C14orf39: variants seen among roughly 807,000 people sequenced by gnomAD.
C14orf39 encodes protein SIX6OS1.
A neutral mutation model predicts 85.6 loss-of-function variants in C14orf39; 66 were observed. The observed-to-expected ratio is 0.77, with a 90% confidence interval of 0.63 to 0.95. The LOEUF (loss-of-function observed/expected upper bound fraction) is 0.95. Ranked by LOEUF, C14orf39 falls within the 40% of genes least tolerant of loss-of-function variation. C14orf39 has a pLI of 0.00. For missense variants in C14orf39, 735 were observed against 663.9 expected (o/e 1.11, Z -1.18); for synonymous variants, 242 against 214.0 (o/e 1.13, Z -1.14).
chr14:60,478,599 A>G (rs537526160), intron 4 of C14orf39, among the ~76,000 whole-genome samples: 1 of 152,244 alleles, frequency 6.6e-6, no homozygotes, highest in South Asian at 2.1e-4. Context: ...ATATTCATGA[A>G]TTTTTATATT....
chr14:60,441,478 T>C (rs1418906929), intron 17 of C14orf39, among the ~76,000 whole-genome samples: 2 of 152,176 alleles, frequency 1.3e-5, no homozygotes, highest in Non-Finnish European at 2.9e-5. Context: ...AATCATAATA[T>C]GTGAGTCTGA....
chr14:60,467,811 A>G (rs1891868943), intron 9 of C14orf39, among the ~76,000 whole-genome samples: 1 of 151,716 alleles, frequency 6.6e-6, no homozygotes, highest in Admixed American at 6.6e-5. Flanking sequence ...AGGGCCATGG[A>G]ACTTGAGGAA....
In C14orf39 at chr14:60,457,050, C is replaced by G; in HGVS notation, c.1225G>C (p.Asp409His). ...HFGKSVENDS[D>H]EVEERAENFP... ...TTCTCAGCTCTCTCTTCTACTTCAT[C>G]ACTATCATTTTCTACTGACTTCCCA... Residue 409 changes from aspartate (D) to histidine (H), a missense_variant, in exon 15 of 18, where the codon GAT becomes CAT. Transcript: ENST00000321731. The G allele has an allele frequency of 6.2e-7, 1 of 1,606,694 alleles. No individual in the cohort carries two copies. The highest frequency in any genetic ancestry group is 8.5e-7 in the Non-Finnish European group (1 of 1,176,738).
rs746591181 is a variant in C14orf39 at position 60,478,403 on chromosome 14, T to C, written c.234-14A>G. On this transcript the variant is annotated splice_polypyrimidine_tract_variant and intron_variant, in intron 4 of 17. Transcript: ENST00000321731. ...GTTGGCTTCCAGCTATAGAAAAAAATATATTTGTAATTAGCAACTCAGAAT... is the reference window on the plus strand; with the variant it reads ...GTTGGCTTCCAGCTATAGAAAAAAACATATTTGTAATTAGCAACTCAGAAT... 4.1e-6 allele frequency: 6 copies of C among 1,466,016 alleles called. No individual in the cohort carries two copies. The highest frequency in any genetic ancestry group is 5.6e-6 in the Non-Finnish European group (6 of 1,077,602). 90.8% of individuals were successfully genotyped at this position (1,466,016 alleles called of 1,614,324 possible).
At chr14:60,437,437 A>G (rs577374567) in intron 17 of C14orf39, among the ~76,000 whole-genome samples, 1 of 152,180 alleles carries the variant, frequency 6.6e-6, no homozygotes, top group African/African-American at 2.4e-5. Context: ...AGATGTATTA[A>G]GTGGAAATTA....
rs1195795576 is a variant in C14orf39 at position 60,469,235 on chromosome 14, G to A, written c.675+298C>T. On this transcript the variant is annotated intron_variant, in intron 8 of 17. Transcript: ENST00000321731. ...ATGTTGCATCTTATTCCTTCCTCAT[G>A]TTCTCTCCTCAGACCTCAAAGAAAG... Among the ~76,000 whole-genome samples the A allele has an allele frequency of 2.0e-5, 3 of 149,712 alleles. No individual in the cohort carries two copies. The East Asian group carries it at 5.9e-4, about 29-fold the overall frequency.
At chr14:60,460,974 A>T (rs1285847292) in intron 13 of C14orf39, among the ~76,000 whole-genome samples, 1 of 151,972 alleles carries the variant, frequency 6.6e-6, no homozygotes. Flanking sequence ...GTCATTACAA[A>T]TAAAACCTAT....
At chr14:60,473,508 G>A (rs1233674789) in intron 5 of C14orf39, among the ~76,000 whole-genome samples, 4 of 152,114 alleles carry the variant, frequency 2.6e-5, no homozygotes, top group Non-Finnish European at 5.9e-5. Flanking sequence ...TATTGCCTAG[G>A]TTTTCTCCTA....
chr14:60,449,882 A>G (rs536243821), intron 16 of C14orf39, among the ~76,000 whole-genome samples: 1 of 152,294 alleles, frequency 6.6e-6, no homozygotes, highest in East Asian at 1.9e-4. Flanking sequence ...AACATCCCAT[A>G]ATTTTTGATA....
intron 16 of C14orf39, among the ~76,000 whole-genome samples, chr14:60,445,599 C>A (rs1011286989): frequency 4.6e-5 from 7 of 152,110 alleles, no homozygotes; most frequent in African/African-American, 1.4e-4. Context: ...GACTTAGACT[C>A]CCACATAATA....
intron 14 of C14orf39, among the ~76,000 whole-genome samples, chr14:60,457,966 T>C (rs1277726192): frequency 6.6e-6 from 1 of 152,026 alleles, no homozygotes; most frequent in Non-Finnish European, 1.5e-5. Flanking sequence ...TAACTTTTTG[T>C]ATATGTTTTT....
intron 8 of C14orf39, among the ~76,000 whole-genome samples, chr14:60,469,213 T>C (rs1254425042): frequency 6.6e-6 from 1 of 150,592 alleles, no homozygotes; most frequent in Non-Finnish European, 1.5e-5. Context: ...TGTTACTATG[T>C]TGCATCTTAT....
chr14:60,499,936 A>G (rs1320561223), intron 1 of C14orf39, among the ~76,000 whole-genome samples: 4 of 152,240 alleles, frequency 2.6e-5, no homozygotes, highest in Non-Finnish European at 5.9e-5. Flanking sequence ...GCCCATTTTA[A>G]AAAATGAGAA....
chr14:60,495,447 C>T (rs895716643), intron 2 of C14orf39: 5 of 169,048 alleles, frequency 3.0e-5, no homozygotes, highest in Admixed American at 1.2e-4. Flanking sequence ...GCTCAGTACC[C>T]GAAGGGAGAT....
chr14:60,464,584 T>G (rs765367059), intron 11 of C14orf39, among the ~76,000 whole-genome samples: 1 of 152,112 alleles, frequency 6.6e-6, no homozygotes, highest in Non-Finnish European at 1.5e-5. Context: ...TCTTGGTAAA[T>G]TGTTCTTTTT....
chr14:60,475,151 T>G (rs1412564199), intron 5 of C14orf39, among the ~76,000 whole-genome samples: 1 of 152,176 alleles, frequency 6.6e-6, no homozygotes, highest in Non-Finnish European at 1.5e-5. Context: ...GTCGAGGAAT[T>G]TATCCATTTC....
At chr14:60,509,387 G>A (rs767032310) in intron 1 of C14orf39, 7 of 1,598,764 alleles carry the variant, frequency 4.4e-6, no homozygotes, top group Non-Finnish European at 5.1e-6. Flanking sequence ...CGCCGCCGCC[G>A]GCACTGCCTC....
chr14:60,479,414 A>G lies in C14orf39; in HGVS notation c.234-1025T>C, dbSNP rs945420604. On this transcript the variant is annotated intron_variant, in intron 4 of 17. Transcript: ENST00000321731. ...GACACTGGAAACTAGTAGAGGGGGA[A>G]GAGGTGAAAAACTATTGAGTACTAT... Among the ~76,000 whole-genome samples, 6 of 152,316 alleles carry G rather than the reference A, an allele frequency of 3.9e-5. No homozygotes were observed. The South Asian group carries it at 1.2e-3, about 32-fold the overall frequency.
intron 11 of C14orf39, among the ~76,000 whole-genome samples, chr14:60,465,703 T>A (rs1891750797): frequency 6.6e-6 from 1 of 152,072 alleles, no homozygotes; most frequent in African/African-American, 2.4e-5. Context: ...ATCTACTATG[T>A]ACAGAGCTTG....
Sources: allele counts gnomAD v4.1 joint callset (sites outside exome capture counted in the v4.1 genomes callset), GRCh38; gene constraint gnomAD v4.1.1; transcripts MANE v1.5; gene names NCBI Gene and HGNC (gene_info 2026-07-23, HGNC 2026-07-21).